The following NPAS3 variants were observed in gnomAD, a reference collection of about 807,000 sequenced individuals.
NPAS3 encodes neuronal PAS domain protein 3.
NPAS3 carries 14 observed loss-of-function variants against 73.1 expected under a neutral mutation model. The observed-to-expected ratio is 0.19, with a 90% CI of 0.13 to 0.30. NPAS3 has a LOEUF of 0.30. NPAS3 is among the 10% of genes least tolerant of loss of function. The probability of loss-of-function intolerance (pLI) is 1.00; values close to 1 mark genes in which losing one functional copy is unlikely to be tolerated. For synonymous variants in NPAS3, 620 were observed against 541.5 expected (o/e 1.14, Z -2.01); for missense variants, 1,096 against 1,250.0 (o/e 0.88, Z 1.86).
At position 33,659,321 on chromosome 14, in the gene NPAS3, T is replaced by G. The variant is rs145081232; in HGVS notation, c.559-16890T>G. ...AACTTGCCCAAAGTGGGTAATGGTT[T>G]CATTCCCAAGCCATTTGCCTCTAGA... On this transcript the variant is annotated intron_variant, in intron 5 of 11. Coordinates refer to ENST00000356141, the Ensembl canonical transcript of NPAS3. 2.5e-3 allele frequency among the ~76,000 whole-genome samples: 382 copies of G among 152,326 alleles called. 1 individual carries two copies. The highest frequency in any genetic ancestry group is 4.4e-3 in the Non-Finnish European group (296 of 68,026).
intron 2 of NPAS3, among the ~76,000 whole-genome samples, chr14:33,202,244 A>G (rs2046646601): frequency 6.6e-6 from 1 of 151,992 alleles, no homozygotes; most frequent in Admixed American, 6.5e-5. Context: ...TCTACTGAAA[A>G]ACACAAAAAT....
At chr14:33,196,446 C>CAAGA (rs2046356227) in intron 2 of NPAS3, among the ~76,000 whole-genome samples, 1 of 152,362 alleles carries the variant, frequency 6.6e-6, no homozygotes, top group South Asian at 2.1e-4. Flanking sequence ...GGCCATCTCT[C>CAAGA]TCTTTTGAGT....
chr14:33,222,349 C>A (rs2047463144), intron 3 of NPAS3, among the ~76,000 whole-genome samples: 1 of 152,186 alleles, frequency 6.6e-6, no homozygotes. Flanking sequence ...TCTTTTTACG[C>A]CCTTCCAGTC....
chr14:33,525,442 C>T (rs974683997), intron 4 of NPAS3, among the ~76,000 whole-genome samples: 14 of 152,158 alleles, frequency 9.2e-5, no homozygotes, highest in Non-Finnish European at 1.9e-4. Context: ...TGGAAATTCT[C>T]AGTAATAATG....
chr14:33,662,869 CTTT>C (rs550747845), intron 5 of NPAS3, among the ~76,000 whole-genome samples: 3 of 89,890 alleles, frequency 3.3e-5, no homozygotes, highest in African/African-American at 4.8e-5. Context: ...TGGGGTTTTC[CTTT>C]TTTTTTTTTT....
intron 4 of NPAS3, among the ~76,000 whole-genome samples, chr14:33,392,499 A>C (rs1179140039): frequency 6.6e-6 from 1 of 152,192 alleles, no homozygotes; most frequent in Non-Finnish European, 1.5e-5. Flanking sequence ...AATGTAATCA[A>C]AATAATGCAG....
At position 33,800,624 on chromosome 14, in the gene NPAS3, G is replaced by A. The variant is rs767138301; in HGVS notation, c.2317G>A (p.Ala773Thr). The A allele has an allele frequency of 1.3e-5, 18 of 1,370,194 alleles. 1 individual carries two copies. In the South Asian group the frequency reaches 2.0e-4, roughly 15 times the overall value. The allele number at this position is 1,370,194 out of a possible 1,614,324, so 84.9% of individuals were successfully genotyped here. Reference sequence around the variant, plus strand: ...CGGGGGCGGGGGCGGGGGCGGCGGCGCGGGGGGCGGCGGCCCCAGCGCGTC... The same window carrying A: ...CGGGGGCGGGGGCGGGGGCGGCGGCACGGGGGGCGGCGGCCCCAGCGCGTC... Residue 773 changes from alanine to threonine, a missense_variant, in exon 12 of 12, where the codon GCG (alanine) becomes ACG (threonine). Ala to Thr is a moderately conservative substitution (Grantham distance 58). Around this residue, in one of 5 missense-constraint regions of NPAS3, gnomAD observed 698 missense variants for 676.7 expected, o/e 1.03. Transcript: ENST00000356141. The surrounding 1 kb of genome is among the most constrained non-coding windows in gnomAD (Gnocchi z 6.5).
At chr14:33,150,480 C>A (rs1038754057) in intron 2 of NPAS3, among the ~76,000 whole-genome samples, 1 of 152,206 alleles carries the variant, frequency 6.6e-6, no homozygotes, top group Admixed American at 6.5e-5. Flanking sequence ...GAAATAAACT[C>A]ACCAAATATT....
chr14:33,542,732 T>C (rs949014477), intron 4 of NPAS3, among the ~76,000 whole-genome samples: 2 of 152,198 alleles, frequency 1.3e-5, no homozygotes, highest in Admixed American at 6.5e-5. Flanking sequence ...ACTTGCCCCG[T>C]GTAAACAAAG....
chr14:33,802,327 G>C (rs759009422), downstream of NPAS3: 22 of 144,436 alleles, frequency 1.5e-4, no homozygotes, highest in Non-Finnish European at 3.2e-4. Flanking sequence ...CTAAAGAATG[G>C]GTTAATAAGC....
At chr14:33,655,331 CTTTTTTTTTT>C (rs3059406) in intron 5 of NPAS3, among the ~76,000 whole-genome samples, 90 of 105,896 alleles carry the variant, frequency 8.5e-4, no homozygotes, top group South Asian at 2.9e-3. Context: ...ACCTTTGGCT[CTTTTTTTTTT>C]TTTTTTTTTT....
intron 4 of NPAS3, among the ~76,000 whole-genome samples, chr14:33,540,646 A>G (rs2054468773): frequency 6.6e-6 from 1 of 152,176 alleles, no homozygotes; most frequent in Non-Finnish European, 1.5e-5. Flanking sequence ...GAAAAAAAGA[A>G]TGGGCATGAC....
At chr14:33,716,933 T>G (rs1361248940) in intron 6 of NPAS3, among the ~76,000 whole-genome samples, 1 of 152,110 alleles carries the variant, frequency 6.6e-6, no homozygotes, top group Non-Finnish European at 1.5e-5. Flanking sequence ...CATTTTTAAT[T>G]CAATCTTTTG....
intron 4 of NPAS3, among the ~76,000 whole-genome samples, chr14:33,487,662 A>C: frequency 6.6e-6 from 1 of 152,188 alleles, no homozygotes; most frequent in East Asian, 1.9e-4. Context: ...AAAACAGCTT[A>C]CCCATAAGCA....
chr14:33,245,130 AT>A (rs2048333224), intron 3 of NPAS3, among the ~76,000 whole-genome samples: 1 of 152,156 alleles, frequency 6.6e-6, no homozygotes, highest in Non-Finnish European at 1.5e-5. Flanking sequence ...TAGATGATAC[AT>A]TTTTAAAATA....
chr14:33,682,903 G>A (rs1194648799), intron 6 of NPAS3, among the ~76,000 whole-genome samples: 1 of 152,156 alleles, frequency 6.6e-6, no homozygotes, highest in Non-Finnish European at 1.5e-5. Context: ...CCAGCTCCCA[G>A]AAGGCACAGC....
At chr14:33,478,436 C>T (rs568598491) in intron 4 of NPAS3, among the ~76,000 whole-genome samples, 61 of 152,138 alleles carry the variant, frequency 4.0e-4, no homozygotes, top group Non-Finnish European at 1.5e-4. Context: ...ATTCTTAGTC[C>T]CCAGAAGCCT....
intron 2 of NPAS3, among the ~76,000 whole-genome samples, chr14:33,123,789 A>G (rs1460380762): frequency 5.3e-5 from 8 of 152,002 alleles, no homozygotes; most frequent in Non-Finnish European, 7.4e-5. Flanking sequence ...CAGCCTTAAA[A>G]TCAATTAGTG....
intron 2 of NPAS3, among the ~76,000 whole-genome samples, chr14:33,198,268 G>C (rs1006339042): frequency 6.7e-6 from 1 of 150,050 alleles, no homozygotes; most frequent in Non-Finnish European, 1.5e-5. Flanking sequence ...GTTTGCCCCT[G>C]CTGGCTCAGG....
Sources: allele counts gnomAD v4.1 joint callset (sites outside exome capture counted in the v4.1 genomes callset), GRCh38; gene constraint gnomAD v4.1.1; regional missense constraint gnomAD v4.1.1; non-coding constraint Gnocchi (gnomAD v3.1); transcripts MANE v1.5; gene names NCBI Gene and HGNC (gene_info 2026-07-23, HGNC 2026-07-21).